Variants in PAQR3 observed in about 807,000 individuals in gnomAD.
PAQR3 encodes the protein progestin and adipoQ receptor family member 3.
Under a neutral mutation model 41.7 loss-of-function variants are expected in PAQR3, and 39 were observed. That is an observed-to-expected ratio of 0.93 (90% CI 0.72 to 1.22). The LOEUF (loss-of-function observed/expected upper bound fraction) is 1.22. PAQR3 is among the 50% of genes most tolerant of loss of function. The pLI, the probability that PAQR3 is intolerant of heterozygous loss-of-function variation, is 0.00. For synonymous variants in PAQR3, 140 were observed against 140.6 expected, an observed-to-expected ratio of 1.00 and a Z score of 0.03; for missense variants, 366 against 385.6, an observed-to-expected ratio of 0.95 and a Z score of 0.42.
rs1228082783 is a variant in PAQR3, at chr4:78,912,081, G to C, written c.*8458C>G. On this transcript the variant is annotated 3_prime_UTR_variant, in exon 6 of 6. Transcript: ENST00000512733. The stretch of plus-strand genomic sequence containing the variant: ...ATTAACTCCTGTTTCAAAAAAGTGT[G>C]AACAGTTTTATGAATTTGAAAGAAA... 1.3e-6 allele frequency: 2 copies of C among 1,500,986 alleles called. No homozygotes were observed. Among genetic ancestry groups the C allele is most frequent in the Non-Finnish European group, 1.8e-6 (2 of 1,109,452 alleles). The allele number at this position is 1,500,986 out of a possible 1,614,324, so 93.0% of individuals were successfully genotyped here. A position where few individuals can be genotyped will look rare whatever the true frequency, so the allele number is the denominator to read the frequency against.
chr4:78,932,684 C>A (rs1306545081), intron 2 of PAQR3, among the ~76,000 whole-genome samples: 3 of 151,732 alleles, frequency 2.0e-5, no homozygotes, highest in Non-Finnish European at 2.9e-5. Flanking sequence ...TAGAAACAAA[C>A]ATAAAGCTCA....
At chr4:78,893,947 ATCT>A (rs1733571720) in intron 11 of PAQR3, among the ~76,000 whole-genome samples, 1 of 152,220 alleles carries the variant, frequency 6.6e-6, no homozygotes, top group Admixed American at 6.5e-5. Flanking sequence ...AACAACAGTA[ATCT>A]TCTTGTACTT....
chr4:78,902,532 A>G lies in PAQR3; in HGVS notation c.*836+3576T>C, dbSNP rs140897432. On this transcript the variant is annotated intron_variant and NMD_transcript_variant, in intron 11 of 12. Transcript: ENST00000342820. ...ATGGCAGGCAGTATGCTGCCAATTC[A>G]AAGTGAACTTTGAAGTCTTATAGCC... 2.0e-5 allele frequency among the ~76,000 whole-genome samples: 3 copies of G among 152,264 alleles called. No individual in the cohort carries two copies. The East Asian group carries it at 5.8e-4, about 29-fold the overall frequency.
Position 78,939,409 on chromosome 4 carries a change from G to C in PAQR3, c.-185C>G, listed in dbSNP as rs1464469918. The C allele has an allele frequency of 3.2e-6, 1 of 315,278 alleles. No individual in the cohort carries two copies. Among genetic ancestry groups the C allele is most frequent in the East Asian group, 7.0e-5 (1 of 14,254 alleles). The allele number at this position is 315,278 out of a possible 1,614,324, so 19.5% of individuals were successfully genotyped here. ...CACCGGCCACTGCCGCCAGCGCCGCGGCGGACCCGGCAGCGTCGCAGCCTC... is the reference window on the plus strand; with the variant it reads ...CACCGGCCACTGCCGCCAGCGCCGCCGCGGACCCGGCAGCGTCGCAGCCTC... On this transcript the variant is annotated 5_prime_UTR_variant, in exon 1 of 6. Transcript: ENST00000512733.
intron 12 of PAQR3, among the ~76,000 whole-genome samples, chr4:78,887,824 A>G (rs978771939): frequency 6.6e-6 from 1 of 152,208 alleles, no homozygotes; most frequent in Non-Finnish European, 1.5e-5. Flanking sequence ...AGGATCGTGC[A>G]TTGGCATAAA....
chr4:78,937,304 C>T (rs188476506), intron 1 of PAQR3, among the ~76,000 whole-genome samples: 49 of 152,264 alleles, frequency 3.2e-4, no homozygotes, highest in Non-Finnish European at 5.9e-4. Context: ...TTTCTGCAGG[C>T]GGCAGAGGTT....
chr4:78,908,406 T>G (rs966531753), downstream of PAQR3, among the ~76,000 whole-genome samples: 7 of 152,230 alleles, frequency 4.6e-5, no homozygotes, highest in Non-Finnish European at 1.0e-4. Context: ...CTCAGCTGTT[T>G]TCTTCCTCCT....
Position 78,912,129 on chromosome 4 carries a change from T to TAC in PAQR3, c.*8409_*8410insGT, listed in dbSNP as rs755436353. The TAC allele has an allele frequency of 0.043, 47,221 of 1,107,650 alleles. 2,116 individuals are homozygous for TAC. Among genetic ancestry groups the TAC allele is most frequent in the East Asian group, 0.23 (9,767 of 42,084 alleles). The allele number at this position is 1,107,650 out of a possible 1,614,324, so 68.6% of individuals were successfully genotyped here. A position where few individuals can be genotyped will look rare whatever the true frequency, so the allele number is the denominator to read the frequency against. ...AAAATTTGGTAGCTCTTTATAGCATTCATTCTTAAAGATCAGTCAGAATAG... is the reference window on the plus strand; with the variant it reads ...AAAATTTGGTAGCTCTTTATAGCATTACCATTCTTAAAGATCAGTCAGAATAG... On this transcript the variant is annotated 3_prime_UTR_variant, in exon 6 of 6. Coordinates refer to ENST00000512733, the MANE Select transcript of PAQR3 (RefSeq NM_001040202.2).
At position 78,916,426 on chromosome 4, in the gene PAQR3, T is replaced by C. The variant is rs182001312; in HGVS notation, c.*4113A>G. 2 of 152,064 alleles carry C rather than the reference T, an allele frequency of 1.3e-5. No homozygotes were observed. The highest frequency in any genetic ancestry group is 1.9e-4 in the East Asian group (1 of 5,184). The allele number at this position is 152,064 out of a possible 1,614,324, so 9.4% of individuals were successfully genotyped here. On this transcript the variant is annotated 3_prime_UTR_variant, in exon 6 of 6. Transcript: ENST00000512733. The stretch of plus-strand genomic sequence containing the variant: ...TATGACTTTTGGATGTAAACTTCTA[T>C]TCAAATTCAGTTATTTCATTCACAC...
At chr4:78,922,298 C>T in intron 5 of PAQR3, 5 of 1,277,926 alleles carry the variant, frequency 3.9e-6, no homozygotes, top group Non-Finnish European at 5.1e-6. Context: ...AAACCAAGTA[C>T]ACAAAGGAAT....
chr4:78,920,292 G>T lies in PAQR3; in HGVS notation c.*247C>A, dbSNP rs1350364486. Reference sequence around the variant, plus strand: ...GTTTCCCATTCATCGTTGTTATTCAGATGTTTCTTATGATTGCCAACTAAT... The same window carrying T: ...GTTTCCCATTCATCGTTGTTATTCATATGTTTCTTATGATTGCCAACTAAT... On this transcript the variant is annotated 3_prime_UTR_variant, in exon 6 of 6. Transcript: ENST00000512733. 136 of 1,154,372 alleles carry T rather than the reference G, an allele frequency of 1.2e-4. No homozygotes were observed. The highest frequency in any genetic ancestry group is 1.4e-4 in the Non-Finnish European group (133 of 938,614). 71.5% of individuals were successfully genotyped at this position (1,154,372 alleles called of 1,614,324 possible).
intron 11 of PAQR3, among the ~76,000 whole-genome samples, chr4:78,904,684 AG>A (rs1199289494): frequency 6.6e-6 from 1 of 151,960 alleles, no homozygotes; most frequent in Non-Finnish European, 1.5e-5. Flanking sequence ...AGAATTCAGC[AG>A]AAGTAAAGAA....
Position 78,919,661 on chromosome 4 carries a change from C to A in PAQR3, c.*878G>T. The A allele has an allele frequency of 1.0e-6, 1 of 985,114 alleles. No homozygotes were observed. Among genetic ancestry groups the A allele is most frequent in the Non-Finnish European group, 1.2e-6 (1 of 829,772 alleles). The allele number at this position is 985,114 out of a possible 1,614,324, so 61.0% of individuals were successfully genotyped here. ...CAAGTAGCACCCACAATGCTGGGAACCCCCACCACTGGGATATTCAGGACT... is the reference window on the plus strand; with the variant it reads ...CAAGTAGCACCCACAATGCTGGGAAACCCCACCACTGGGATATTCAGGACT... On this transcript the variant is annotated 3_prime_UTR_variant, in exon 6 of 6. Transcript: ENST00000512733.
chr4:78,903,998 T>C (rs10022528), intron 11 of PAQR3, among the ~76,000 whole-genome samples: 10,268 of 151,932 alleles, frequency 0.068, 1,102 homozygotes, highest in African/African-American at 0.23. Context: ...ATTTCTTACG[T>C]ATAAAAAGAT....
intron 1 of PAQR3, 59 bp downstream of exon 1, chr4:78,938,981 G>C: frequency 1.4e-6 from 2 of 1,458,592 alleles, no homozygotes; most frequent in Non-Finnish European, 1.9e-6. Context: ...AGGGGGACCA[G>C]ACAAAAAGGG....
In PAQR3 at chr4:78,912,464, C is replaced by G. The variant is rs576080480; in HGVS notation, c.*8075G>C. 9.6e-5 allele frequency: 15 copies of G among 156,692 alleles called. No individual in the cohort carries two copies. The South Asian group carries it at 1.2e-3, about 12-fold the overall frequency. 9.7% of individuals were successfully genotyped at this position (156,692 alleles called of 1,614,324 possible). A position where few individuals can be genotyped will look rare whatever the true frequency, so the allele number is the denominator to read the frequency against. On this transcript the variant is annotated 3_prime_UTR_variant, in exon 6 of 6. Coordinates refer to ENST00000512733, the MANE Select transcript of PAQR3 (RefSeq NM_001040202.2). The stretch of plus-strand genomic sequence containing the variant: ...TACACTTGTGAATTTTTTTTAAGGT[C>G]TCTTTTAATTTCCAGACAGTTAAAA...
At chr4:78,907,937 A>G (rs1014918547), downstream of PAQR3, among the ~76,000 whole-genome samples, 7 of 152,150 alleles carry the variant, frequency 4.6e-5, no homozygotes, top group African/African-American at 1.7e-4. Context: ...ATGATGGGAA[A>G]TCTTCTGGAA....
rs370626654 is a variant in PAQR3, at chr4:78,919,757, T to G, written c.*782A>C. On this transcript the variant is annotated 3_prime_UTR_variant, in exon 6 of 6. Transcript: ENST00000512733. ...CTGTAATCCACTCACAAGAATTCAGTTATTATATGGAATTAAATAATATCT... is the reference window on the plus strand; with the variant it reads ...CTGTAATCCACTCACAAGAATTCAGGTATTATATGGAATTAAATAATATCT... 13 of 984,480 alleles carry G rather than the reference T, an allele frequency of 1.3e-5. No homozygotes were observed. The East Asian group carries it at 3.4e-4, about 26-fold the overall frequency. The allele number at this position is 984,480 out of a possible 1,614,324, so 61.0% of individuals were successfully genotyped here. A position where few individuals can be genotyped will look rare whatever the true frequency, so the allele number is the denominator to read the frequency against.
At chr4:78,930,064 A>T in intron 3 of PAQR3, 106 bp downstream of exon 3, 1 of 1,070,982 alleles carries the variant, frequency 9.3e-7, no homozygotes, top group South Asian at 1.7e-5. Context: ...TCTTCTATTT[A>T]GTCTATAAGT....
Sources: gnomAD v4.1 joint callset for allele counts (sites outside exome capture counted in the v4.1 genomes callset) on GRCh38, gnomAD v4.1.1 for gene constraint, MANE v1.5 for transcripts, NCBI Gene and HGNC (gene_info 2026-07-23, HGNC 2026-07-21) for gene names.